Variants in TARS3 observed in about 807,000 individuals in gnomAD.
TARS3 encodes the protein threonyl-tRNA synthetase 3, also known as threonine--tRNA ligase 2, cytoplasmic.
In TARS3, 94 loss-of-function variants were observed where a neutral mutation model predicts 103.5. The observed-to-expected ratio is 0.91, with a 90% CI of 0.77 to 1.08. The LOEUF (loss-of-function observed/expected upper bound fraction) is 1.08. TARS3 is among the 50% of genes least tolerant of loss of function. The pLI, the probability that TARS3 is intolerant of heterozygous loss-of-function variation, is 0.00. For missense variants in TARS3, 952 were observed against 995.2 expected, an observed-to-expected ratio of 0.96 and a Z score of 0.58; for synonymous variants, 416 against 355.4, an observed-to-expected ratio of 1.17 and a Z score of -1.92.
chr15:101,707,800 T>C (rs955209769), intron 6 of TARS3, among the ~76,000 whole-genome samples: 1 of 152,206 alleles, frequency 6.6e-6, no homozygotes, highest in Non-Finnish European at 1.5e-5. Context: ...TCAATGTACT[T>C]AATGCCACAG....
chr15:101,671,486 CTAACA>C lies in TARS3; in HGVS notation c.1962_1966del (p.Tyr654Ter). 7 of 1,591,418 alleles carry C rather than the reference CTAACA, an allele frequency of 4.4e-6. No individual in the cohort carries two copies. Among genetic ancestry groups the C allele is most frequent in the East Asian group, 2.2e-5 (1 of 44,466 alleles). ...ATATTTATCACATTCAATCACTCAC[CTAACA>C]TATGTGAGATTAAATCTAATAGGCA... On this transcript the variant is annotated stop_gained and frameshift_variant and splice_region_variant, in exon 15 of 19. Transcript: ENST00000335968. LOFTEE classifies it high-confidence loss of function.
intron 15 of TARS3, among the ~76,000 whole-genome samples, chr15:101,669,932 T>A (rs760836001): frequency 6.6e-6 from 1 of 152,238 alleles, no homozygotes; most frequent in South Asian, 2.1e-4. Context: ...GATGGTGAAA[T>A]AGTGGCCTGT....
At chr15:101,663,964 T>C (rs1313853117) in intron 15 of TARS3, among the ~76,000 whole-genome samples, 4 of 152,320 alleles carry the variant, frequency 2.6e-5, no homozygotes, top group Non-Finnish European at 5.9e-5. Context: ...CTGAATGTAA[T>C]GAATGACAAC....
chr15:101,655,083 GC>G (rs1320318472), intron 18 of TARS3, among the ~76,000 whole-genome samples: 1 of 150,352 alleles, frequency 6.7e-6, no homozygotes, highest in East Asian at 2.0e-4. Context: ...GCAAATGAGA[GC>G]GGGGAGCTCT....
intron 18 of TARS3, among the ~76,000 whole-genome samples, chr15:101,655,635 A>G: frequency 6.9e-6 from 1 of 145,404 alleles, no homozygotes; most frequent in Non-Finnish European, 1.5e-5. Flanking sequence ...TCCACCTGGC[A>G]CTAGGGCGCA....
In TARS3 at chr15:101,675,602, T is replaced by C. The variant is rs1350816913; in HGVS notation, c.1786A>G (p.Lys596Glu). 1 of 1,612,816 alleles carries C rather than the reference T, an allele frequency of 6.2e-7. No individual in the cohort carries two copies. Among genetic ancestry groups the C allele is most frequent in the African/African-American group, 1.3e-5 (1 of 74,868 alleles). Reference protein sequence around the residue: ...GEIEMWNEAEKQLQNSLMDFG... With the variant: ...GEIEMWNEAEEQLQNSLMDFG... ...GAAGCACAAGGTGTGTCTCTTACCTTCTCAGCCTCATTCCACATCTCAATC... is the reference window on the plus strand; with the variant it reads ...GAAGCACAAGGTGTGTCTCTTACCTCCTCAGCCTCATTCCACATCTCAATC... The change falls in exon 13 of 19, where the codon AAG becomes GAG. Residue 596 changes from lysine (K) to glutamate (E), a missense_variant and splice_region_variant. Physicochemically the swap from Lys to Glu is moderately conservative, Grantham distance 56. This residue lies in a region of TARS3 where 540 missense variants were observed against 631.0 expected (regional missense o/e 0.86). Coordinates refer to ENST00000335968, the MANE Select transcript of TARS3 (RefSeq NM_152334.3).
At chr15:101,670,896 G>A (rs768636668) in intron 15 of TARS3, among the ~76,000 whole-genome samples, 29 of 152,168 alleles carry the variant, frequency 1.9e-4, no homozygotes, top group South Asian at 1.0e-3. Context: ...CAGAAGGCTC[G>A]ATACTGCATG....
Position 101,675,564 on chromosome 15 carries a change from C to T in TARS3, c.1788+36G>A, listed in dbSNP as rs369606594. On this transcript the variant is annotated intron_variant, in intron 13 of 18. Coordinates refer to ENST00000335968, the MANE Select transcript of TARS3 (RefSeq NM_152334.3). ...AGCCTCTCAGGTGTCTTCCATACGA[C>T]TAAAATGAAGAGGAAGCACAAGGTG... 9.4e-5 allele frequency: 150 copies of T among 1,594,242 alleles called. 2 individuals are homozygous for T. The African/African-American group carries it at 1.6e-3, about 17-fold the overall frequency.
intron 3 of TARS3, among the ~76,000 whole-genome samples, chr15:101,718,618 A>C (rs1292622512): frequency 2.6e-5 from 4 of 152,184 alleles, no homozygotes; most frequent in Non-Finnish European, 5.9e-5. Context: ...CAGACAATAG[A>C]GGCCAGTGGA....
At chr15:101,675,896 C>T (rs74033391) in intron 12 of TARS3, among the ~76,000 whole-genome samples, 159 bp from the exon 13 acceptor site, 1,837 of 152,302 alleles carry the variant, frequency 0.012, 48 homozygotes, top group African/African-American at 0.043. Flanking sequence ...GCTGAACCTT[C>T]GTTTGAGTGC....
At chr15:101,706,862 G>T (rs766693120) in intron 6 of TARS3, among the ~76,000 whole-genome samples, 2 of 152,088 alleles carry the variant, frequency 1.3e-5, no homozygotes, top group Non-Finnish European at 2.9e-5. Flanking sequence ...GATTAATTGT[G>T]TTTAGTTCTT....
chr15:101,708,256 T>C (rs536656074), intron 6 of TARS3, among the ~76,000 whole-genome samples: 48 of 28,282 alleles, frequency 1.7e-3, no homozygotes, highest in African/African-American at 8.1e-3. Context: ...AGACTCTGTC[T>C]GAAAAAAAAA....
intron 15 of TARS3, among the ~76,000 whole-genome samples, chr15:101,667,451 T>C (rs1427345134): frequency 6.6e-6 from 1 of 152,222 alleles, no homozygotes; most frequent in Non-Finnish European, 1.5e-5. Context: ...TTCATATATA[T>C]TGAAAATCTG....
Position 101,724,313 on chromosome 15 carries a change from C to G in TARS3, c.75G>C (p.Leu25=). 6.4e-7 allele frequency: 1 copy of G among 1,569,940 alleles called. No homozygotes were observed. The highest frequency in any genetic ancestry group is 8.6e-7 in the Non-Finnish European group (1 of 1,164,656). Residue 25 remains leucine (L), a synonymous_variant, in exon 1 of 19, where the codon CTG becomes CTC. Coordinates refer to ENST00000335968, the MANE Select transcript of TARS3 (RefSeq NM_152334.3). ...LERQEEDIRW[L]WSEVERLRDE... ...CCCTCAGGCGCTCGACCTCCGACCA[C>G]AGCCAGCGGATGTCCTCCTCCTGCC... is the stretch of plus-strand genomic sequence containing the variant.
intron 13 of TARS3, among the ~76,000 whole-genome samples, chr15:101,672,264 C>T (rs1897839851): frequency 6.6e-6 from 1 of 152,182 alleles, no homozygotes; most frequent in African/African-American, 2.4e-5. Flanking sequence ...GGTGTGGAGG[C>T]ATGAGGCTCC....
Position 101,684,068 on chromosome 15 carries a change from T to C in TARS3, c.1650+7A>G. 2 of 1,611,782 alleles carry C rather than the reference T, an allele frequency of 1.2e-6. No homozygotes were observed. The highest frequency in any genetic ancestry group is 2.2e-5 in the South Asian group (2 of 90,684). The stretch of plus-strand genomic sequence containing the variant: ...ACCACACTGCTTCACTCTGTGTTAT[T>C]GTTTACCTGCTCCACTGTGCAAAAA... On this transcript the variant is annotated splice_region_variant and intron_variant, in intron 12 of 18. Coordinates refer to ENST00000335968, the MANE Select transcript of TARS3 (RefSeq NM_152334.3).
intron 6 of TARS3, among the ~76,000 whole-genome samples, chr15:101,707,624 C>T (rs1181997003): frequency 1.3e-5 from 2 of 151,918 alleles, no homozygotes; most frequent in Admixed American, 1.3e-4. Context: ...CATGATTCCA[C>T]TGATATGAAG....
intron 18 of TARS3, among the ~76,000 whole-genome samples, chr15:101,655,626 C>G (rs945627638): frequency 6.9e-6 from 1 of 145,434 alleles, no homozygotes; most frequent in African/African-American, 2.6e-5. Context: ...CACAGTGACT[C>G]CACCTGGCAC....
chr15:101,690,404 G>C (rs984054442), intron 10 of TARS3, among the ~76,000 whole-genome samples: 2 of 152,162 alleles, frequency 1.3e-5, no homozygotes, highest in African/African-American at 2.4e-5. Context: ...AAGAAAACCT[G>C]AACATTTTCT....
Sources: gnomAD v4.1 joint callset for allele counts (sites outside exome capture counted in the v4.1 genomes callset) on GRCh38, gnomAD v4.1.1 for gene constraint, gnomAD v4.1.1 regional missense constraint, MANE v1.5 for transcripts, NCBI Gene and HGNC (gene_info 2026-07-23, HGNC 2026-07-21) for gene names.